PNPLA1: variants seen among roughly 807,000 people sequenced by gnomAD.
PNPLA1 encodes the protein omega-hydroxyceramide transacylase.
A neutral mutation model predicts 51.7 loss-of-function variants in PNPLA1; 36 were observed. The ratio of observed to expected loss-of-function variants is 0.70; its 90% CI spans 0.53 to 0.92. The LOEUF (loss-of-function observed/expected upper bound fraction) is 0.92, where lower values mean the gene tolerates loss of function less well. Among genes scored for constraint, PNPLA1 ranks in the 40% least tolerant of loss-of-function variants. PNPLA1 has a pLI of 0.00. For missense variants in PNPLA1, 658 were observed against 682.5 expected (o/e 0.96, Z 0.40); for synonymous variants, 293 against 280.1 (o/e 1.05, Z -0.46).
intron 6 of PNPLA1, among the ~76,000 whole-genome samples, chr6:36,305,294 A>G (rs1359639192): frequency 6.6e-6 from 1 of 152,148 alleles, no homozygotes; most frequent in East Asian, 1.9e-4. Flanking sequence ...AAAAGATTGG[A>G]CACCCCTGCC....
At chr6:36,300,200 A>AGAGG (rs1390150411) in intron 5 of PNPLA1, among the ~76,000 whole-genome samples, 2 of 121,354 alleles carry the variant, frequency 1.6e-5, no homozygotes, top group African/African-American at 5.3e-5. Flanking sequence ...AGAGAGAGAG[A>AGAGG]GAGAGAGAGA....
At chr6:36,259,178 C>CGG (rs1769594223) in intron 1 of PNPLA1, among the ~76,000 whole-genome samples, 1 of 152,196 alleles carries the variant, frequency 6.6e-6, no homozygotes, top group Non-Finnish European at 1.5e-5. Flanking sequence ...TTTGCACAAC[C>CGG]TGTTCCTAGA....
Position 36,280,455 on chromosome 6 carries a change from A to G in PNPLA1, c.205+9791A>G, listed in dbSNP as rs541449109. On this transcript the variant is annotated intron_variant, in intron 1 of 8. Transcript: ENST00000636260. ...GTTGTATCAATTCAAGCTCTAAACC[A>G]TATGCAATACAGATTTGGGTCTTTC... Among the ~76,000 whole-genome samples, 3 of 152,286 alleles carry G rather than the reference A, an allele frequency of 2.0e-5. No individual in the cohort carries two copies. The East Asian group carries it at 5.8e-4, about 29-fold the overall frequency.
intron 1 of PNPLA1, among the ~76,000 whole-genome samples, chr6:36,244,135 TCTC>T (rs1769210744): frequency 1.3e-5 from 2 of 152,068 alleles, no homozygotes; most frequent in South Asian, 2.1e-4. Context: ...ACCTCCTTTT[TCTC>T]CTCCTCCTCC....
rs1190529607 is a variant in PNPLA1, at chr6:36,301,792, GA to G, written c.776-66del. 12 of 1,537,504 alleles carry G rather than the reference GA, an allele frequency of 7.8e-6. No homozygotes were observed. The African/African-American group carries it at 1.7e-4, about 21-fold the overall frequency. ...GTTCCTGTTTAGGAAAATAACTCAAGAAACCATTTTTGCAAAGGCCATGCTG... is the reference window on the plus strand; with the variant it reads ...GTTCCTGTTTAGGAAAATAACTCAAGAACCATTTTTGCAAAGGCCATGCTG... On this transcript the variant is annotated intron_variant, in intron 5 of 8. Coordinates refer to ENST00000636260, the MANE Select transcript of PNPLA1 (RefSeq NM_001374623.1).
chr6:36,275,976 T>TTTCTTTTCTTTCTTTC (rs1770083721), intron 1 of PNPLA1, among the ~76,000 whole-genome samples: 1 of 136,792 alleles, frequency 7.3e-6, no homozygotes. Context: ...TTCTTTCTTT[T>TTTCTTTTCTTTCTTTC]GAGACAGAGT....
rs1333387216 is a variant in PNPLA1 at position 36,294,809 on chromosome 6, AG to A, written c.714+411del. ...AGAGAGTTATGGGGGAAAGAAAAAA[AG>A]AAGAAAAAGAAAAAGAACATTAGGC... On this transcript the variant is annotated intron_variant, in intron 4 of 8. Transcript: ENST00000636260. The surrounding 1 kb of genome is among the most constrained non-coding windows in gnomAD (Gnocchi z 4.2). Among the ~76,000 whole-genome samples the A allele has an allele frequency of 1.3e-5, 2 of 152,230 alleles. No homozygotes were observed. Among genetic ancestry groups the A allele is most frequent in the African/African-American group, 2.4e-5 (1 of 41,446 alleles).
chr6:36,281,750 T>C (rs1346148829), intron 1 of PNPLA1, among the ~76,000 whole-genome samples: 2 of 152,162 alleles, frequency 1.3e-5, no homozygotes, highest in Non-Finnish European at 2.9e-5. Flanking sequence ...CCGGGTGCAG[T>C]GGCTCACACC....
At chr6:36,267,202 G>T (rs1769780159), upstream of PNPLA1, among the ~76,000 whole-genome samples, 1 of 152,216 alleles carries the variant, frequency 6.6e-6, no homozygotes, top group South Asian at 2.1e-4. Context: ...GCTGGAAAGT[G>T]ATTCTTCCTC....
At position 36,255,980 on chromosome 6, in the gene PNPLA1, A is replaced by C. The variant is rs140434251; in HGVS notation, c.-81+12719A>C. ...CACACTTTGAGTACCAAGAGTTTCC[A>C]GTAATTTGCAAACATGAAAATTTCT... On this transcript the variant is annotated intron_variant, in intron 1 of 7. Transcript: ENST00000312917. Among the ~76,000 whole-genome samples, 344 of 152,294 alleles carry C rather than the reference A, an allele frequency of 2.3e-3. 1 individual carries two copies. The highest frequency in any genetic ancestry group is 8.0e-3 in the African/African-American group (332 of 41,564).
chr6:36,307,427 A>G (rs1436789610), intron 7 of PNPLA1, among the ~76,000 whole-genome samples, 160 bp from the exon 8 acceptor site: 1 of 152,060 alleles, frequency 6.6e-6, no homozygotes, highest in East Asian at 1.9e-4. Flanking sequence ...ATAAATATTC[A>G]TTGATTATAT....
upstream of PNPLA1, among the ~76,000 whole-genome samples, chr6:36,269,118 A>C (rs575110756): frequency 4.6e-4 from 70 of 152,344 alleles, 1 homozygote. Flanking sequence ...ATTCCCATGC[A>C]GATAAGTGAG....
intron 1 of PNPLA1, among the ~76,000 whole-genome samples, chr6:36,261,155 T>C (rs991581822): frequency 9.2e-5 from 14 of 152,242 alleles, no homozygotes; most frequent in African/African-American, 2.4e-4. Flanking sequence ...TCATTTTTAA[T>C]GATTGTTCAG....
At chr6:36,282,088 A>AGAAAGAAAGAAAGAAGGAAGGAAGGAAG (rs1554136580) in intron 1 of PNPLA1, among the ~76,000 whole-genome samples, 2 of 98,916 alleles carry the variant, frequency 2.0e-5, no homozygotes, top group African/African-American at 9.7e-5. Context: ...AAAGAAAGAA[A>AGAAAGAAAGAAAGAAGGAAGGAAGGAAG]GAAGGAAGGA....
At chr6:36,284,122 G>A (rs1324593450) in intron 1 of PNPLA1, among the ~76,000 whole-genome samples, 3 of 152,216 alleles carry the variant, frequency 2.0e-5, no homozygotes, top group Non-Finnish European at 4.4e-5. Flanking sequence ...GCTCATAGTA[G>A]GGTGAGGGCT....
At position 36,301,866 on chromosome 6, in the gene PNPLA1, G is replaced by C. The variant is rs1323551556; in HGVS notation, c.781G>C (p.Val261Leu). 1 of 1,612,916 alleles carries C rather than the reference G, an allele frequency of 6.2e-7. No individual in the cohort carries two copies. The highest frequency in any genetic ancestry group is 1.7e-5 in the Admixed American group (1 of 59,988). Reference protein sequence around the residue: ...AVLYLRRLNAVYLNSSSKRVI... With the variant: ...AVLYLRRLNALYLNSSSKRVI... ...CATGCTATTGTTTATCCTAGATGCT[G>C]TTTATCTTAATTCTTCCTCCAAGAG... Residue 261 changes from valine (V) to leucine (L), a missense_variant, in exon 6 of 9, where the codon GTT becomes CTT. By Grantham distance (32) the Val-to-Leu change is conservative (BLOSUM62 1). Transcript: ENST00000636260.
chr6:36,256,538 C>A (rs34262487), intron 1 of PNPLA1, among the ~76,000 whole-genome samples: 7,683 of 150,726 alleles, frequency 0.051, 280 homozygotes, highest in Middle Eastern at 0.078. Flanking sequence ...ACCTCCACCT[C>A]CTGGGTTCAA....
intron 1 of PNPLA1, among the ~76,000 whole-genome samples, chr6:36,282,101 GAAGGAAGGA>G (rs1561859382): frequency 8.6e-5 from 12 of 139,018 alleles, no homozygotes; most frequent in African/African-American, 3.5e-4. Flanking sequence ...AGGAAGGAAG[GAAGGAAGGA>G]AGGAAGGAAG....
intron 1 of PNPLA1, among the ~76,000 whole-genome samples, chr6:36,255,448 T>C (rs575302476): frequency 1.2e-3 from 180 of 152,294 alleles, no homozygotes; most frequent in African/African-American, 4.2e-3. Flanking sequence ...GAGGTTGCAG[T>C]GAGCCGAGAT....
Sources: allele counts gnomAD v4.1 joint callset (sites outside exome capture counted in the v4.1 genomes callset), GRCh38; gene constraint gnomAD v4.1.1; non-coding constraint Gnocchi (gnomAD v3.1); transcripts MANE v1.5; gene names NCBI Gene and HGNC (gene_info 2026-07-23, HGNC 2026-07-21).